SYNDIG1: variants seen among roughly 807,000 people sequenced by gnomAD.
SYNDIG1 encodes synapse differentiation-inducing gene protein 1.
SYNDIG1 carries 9 observed loss-of-function variants against 19.4 expected under a neutral mutation model. The ratio of observed to expected loss-of-function variants is 0.46; its 90% CI spans 0.28 to 0.81. The LOEUF (loss-of-function observed/expected upper bound fraction) is 0.81. Among genes scored for constraint, SYNDIG1 ranks in the 30% least tolerant of loss-of-function variants. The pLI is 0.12. For synonymous variants in SYNDIG1, 141 were observed against 145.9 expected (o/e 0.97, Z 0.24); for missense variants, 311 against 343.3 (o/e 0.91, Z 0.74).
intron 3 of SYNDIG1, among the ~76,000 whole-genome samples, chr20:24,663,542 C>T (rs532349184): frequency 2.0e-5 from 3 of 152,170 alleles, no homozygotes; most frequent in Non-Finnish European, 4.4e-5. Context: ...CCTGTCCCCC[C>T]AGAGCCCAGC....
intron 2 of SYNDIG1, among the ~76,000 whole-genome samples, chr20:24,564,680 A>G (rs1600639419): frequency 1.3e-5 from 2 of 152,220 alleles, no homozygotes; most frequent in South Asian, 2.1e-4. Context: ...CTTGGTACAA[A>G]TGGTACACGT....
Position 24,517,640 on chromosome 20 carries a change from A to ATG in SYNDIG1, c.-78-25379_-78-25378insGT, listed in dbSNP as rs1384855081. ...TGTCAAAAAAAAAAAGTATATATAT[A>ATG]TATATACACATATATATATACACAC... is the stretch of plus-strand genomic sequence containing the variant. On this transcript the variant is annotated intron_variant, in intron 1 of 3. Transcript: ENST00000376862. Among the ~76,000 whole-genome samples the ATG allele has an allele frequency of 3.4e-5, 5 of 144,980 alleles. No homozygotes were observed. In the East Asian group the frequency reaches 8.0e-4, roughly 23 times the overall value.
chr20:24,572,077 C>T lies in SYNDIG1; in HGVS notation c.481-12779C>T, dbSNP rs969205614. On this transcript the variant is annotated intron_variant, in intron 2 of 3. Coordinates refer to ENST00000376862, the MANE Select transcript of SYNDIG1 (RefSeq NM_024893.3). ...ACATTACTTCTCTGCTATATAAACC[C>T]CTAATTTTAGTGGGTCAGGGAGATG... 1.2e-4 allele frequency among the ~76,000 whole-genome samples: 19 copies of T among 152,180 alleles called. 2 individuals carry two copies. The highest frequency in any genetic ancestry group is 1.0e-3 in the South Asian group (5 of 4,834).
chr20:24,624,328 G>A (rs370196689), intron 3 of SYNDIG1, among the ~76,000 whole-genome samples: 15 of 150,746 alleles, frequency 1.0e-4, no homozygotes, highest in African/African-American at 3.6e-4. Context: ...TAAAGATACA[G>A]ATGTGTTAAA....
chr20:24,498,346 AATTATAAGTGTATATTATATAGTGTAT>A (rs2056351928), intron 1 of SYNDIG1, among the ~76,000 whole-genome samples: 2 of 152,194 alleles, frequency 1.3e-5, no homozygotes, highest in South Asian at 4.1e-4. Flanking sequence ...CTCTTAGCAA[AATTATAAGTGTATATTATATAGTGTAT>A]ATTATAAGTG....
intron 1 of SYNDIG1, among the ~76,000 whole-genome samples, chr20:24,529,439 G>A (rs185520181): frequency 2.0e-4 from 31 of 152,154 alleles, no homozygotes; most frequent in African/African-American, 6.3e-4. Context: ...AATATTTTAG[G>A]CTTCATGGAC....
intron 1 of SYNDIG1, among the ~76,000 whole-genome samples, chr20:24,526,556 C>T (rs73101394): frequency 6.6e-6 from 1 of 152,092 alleles, no homozygotes; most frequent in Non-Finnish European, 1.5e-5. Context: ...TAATGATTTA[C>T]ATTTATATAT....
intron 1 of SYNDIG1, among the ~76,000 whole-genome samples, chr20:24,523,056 G>A (rs1382297053): frequency 6.6e-6 from 1 of 152,164 alleles, no homozygotes; most frequent in Non-Finnish European, 1.5e-5. Context: ...CAAGCAAACT[G>A]TGTCACTTTC....
intron 1 of SYNDIG1, among the ~76,000 whole-genome samples, chr20:24,506,444 C>T (rs2146423067): frequency 6.6e-6 from 1 of 152,322 alleles, no homozygotes; most frequent in East Asian, 1.9e-4. Flanking sequence ...AGAGCATGGC[C>T]ACAGTCCCCC....
intron 1 of SYNDIG1, among the ~76,000 whole-genome samples, chr20:24,523,030 A>C (rs889238922): frequency 1.3e-5 from 2 of 152,114 alleles, no homozygotes; most frequent in African/African-American, 4.8e-5. Flanking sequence ...TCAATATGAG[A>C]TTTGGAGGGG....
chr20:24,617,851 G>A (rs2058964434), intron 3 of SYNDIG1, among the ~76,000 whole-genome samples: 1 of 146,222 alleles, frequency 6.8e-6, no homozygotes, highest in Non-Finnish European at 1.5e-5. Flanking sequence ...GGTCCTGGGG[G>A]AGGGTATGGG....
At chr20:24,552,899 T>C (rs1362138479) in intron 2 of SYNDIG1, among the ~76,000 whole-genome samples, 1 of 152,228 alleles carries the variant, frequency 6.6e-6, no homozygotes, top group African/African-American at 2.4e-5. Flanking sequence ...AAATCCACAA[T>C]GGTTGAACTA....
At chr20:24,664,272 G>A (rs900496475) in intron 3 of SYNDIG1, among the ~76,000 whole-genome samples, 2 of 152,042 alleles carry the variant, frequency 1.3e-5, no homozygotes, top group Non-Finnish European at 2.9e-5. Context: ...CAGAGGTGTT[G>A]GTGTGTTTTA....
chr20:24,498,830 G>T (rs2056367529), intron 1 of SYNDIG1, among the ~76,000 whole-genome samples: 1 of 152,128 alleles, frequency 6.6e-6, no homozygotes, highest in South Asian at 2.1e-4. Flanking sequence ...TGGGCCCTTA[G>T]GCTGCTTCCA....
At chr20:24,473,705 A>T (rs1410727546) in intron 1 of SYNDIG1, among the ~76,000 whole-genome samples, 1 of 152,168 alleles carries the variant, frequency 6.6e-6, no homozygotes. Flanking sequence ...TGCCATGAGC[A>T]GACATAGGCT....
At chr20:24,631,300 T>C (rs1464062391) in intron 3 of SYNDIG1, among the ~76,000 whole-genome samples, 1 of 152,136 alleles carries the variant, frequency 6.6e-6, no homozygotes, top group Non-Finnish European at 1.5e-5. Context: ...GAAGATGAAA[T>C]GGTGACTCCT....
intron 1 of SYNDIG1, among the ~76,000 whole-genome samples, chr20:24,520,253 T>A (rs2056976063): frequency 1.3e-5 from 2 of 150,696 alleles, no homozygotes; most frequent in Admixed American, 1.3e-4. Flanking sequence ...TGTTTTTATA[T>A]CTTACATAAT....
intron 3 of SYNDIG1, among the ~76,000 whole-genome samples, chr20:24,591,629 A>T (rs2058513162): frequency 6.6e-6 from 1 of 152,150 alleles, no homozygotes. Flanking sequence ...TGTGAAATAC[A>T]GTGGGAAGGA....
chr20:24,535,719 G>A (rs6083548), intron 1 of SYNDIG1, among the ~76,000 whole-genome samples: 3,966 of 152,242 alleles, frequency 0.026, 172 homozygotes, highest in African/African-American at 0.088. Flanking sequence ...GAGTCTGGAC[G>A]GGCAGTTGCT....
Sources: allele counts gnomAD v4.1 joint callset (sites outside exome capture counted in the v4.1 genomes callset), GRCh38; gene constraint gnomAD v4.1.1; transcripts MANE v1.5; gene names NCBI Gene and HGNC (gene_info 2026-07-23, HGNC 2026-07-21).